The following RBFOX2 variants were observed in gnomAD, a reference collection of about 807,000 sequenced individuals.
RBFOX2 encodes RNA binding fox-1 homolog 2.
RBFOX2 carries 10 observed loss-of-function variants against 49.1 expected under a neutral mutation model. The ratio of observed to expected loss-of-function variants is 0.20; its 90% CI spans 0.13 to 0.35. The LOEUF (loss-of-function observed/expected upper bound fraction) is 0.35, where lower values mean the gene tolerates loss of function less well. Ranked by LOEUF, RBFOX2 falls within the 10% of genes least tolerant of loss-of-function variation. The pLI is 1.00. For missense variants in RBFOX2, 323 were observed against 486.9 expected (o/e 0.66, Z 3.17); for synonymous variants, 183 against 187.4 (o/e 0.98, Z 0.19).
intron 1 of RBFOX2, among the ~76,000 whole-genome samples, chr22:35,953,818 T>C (rs963542461): frequency 6.6e-6 from 1 of 152,158 alleles, no homozygotes; most frequent in Non-Finnish European, 1.5e-5. Context: ...GTGCTGTATC[T>C]CAATATATAC....
intron 1 of RBFOX2, among the ~76,000 whole-genome samples, chr22:35,855,502 G>A (rs1224477699): frequency 6.6e-6 from 1 of 151,984 alleles, no homozygotes; most frequent in Non-Finnish European, 1.5e-5. Context: ...TGCCTTCTAG[G>A]TTCAAGGATC....
At chr22:35,814,133 G>A (rs984747572) in intron 1 of RBFOX2, among the ~76,000 whole-genome samples, 8 of 152,088 alleles carry the variant, frequency 5.3e-5, no homozygotes, top group Non-Finnish European at 1.2e-4. Flanking sequence ...ACAGCCTTTT[G>A]GTGTACAATG....
At chr22:35,906,309 T>C (rs916365751) in intron 1 of RBFOX2, among the ~76,000 whole-genome samples, 1 of 152,224 alleles carries the variant, frequency 6.6e-6, no homozygotes, top group African/African-American at 2.4e-5. Flanking sequence ...TTTCACGATA[T>C]GACCATTTTC....
intron 1 of RBFOX2, among the ~76,000 whole-genome samples, chr22:35,915,230 G>A (rs2050275212): frequency 6.6e-6 from 1 of 152,232 alleles, no homozygotes; most frequent in Admixed American, 6.5e-5. Flanking sequence ...GCAGAGAGAA[G>A]GGAGGGTTTG....
At chr22:36,005,066 T>C (rs1603465171) in intron 1 of RBFOX2, among the ~76,000 whole-genome samples, 1 of 152,234 alleles carries the variant, frequency 6.6e-6, no homozygotes, top group East Asian at 1.9e-4. Flanking sequence ...AATAAATACG[T>C]GTTAAATTTA....
At chr22:35,932,718 T>C (rs879440588) in intron 1 of RBFOX2, among the ~76,000 whole-genome samples, 3 of 152,116 alleles carry the variant, frequency 2.0e-5, no homozygotes, top group Non-Finnish European at 4.4e-5. Flanking sequence ...CTGTCTCTAC[T>C]AAAAATACAA....
At position 35,868,139 on chromosome 22, in the gene RBFOX2, A is replaced by G. The variant is rs116499576; in HGVS notation, c.-33-58135T>C. Among the ~76,000 whole-genome samples, 534 of 152,254 alleles carry G rather than the reference A, an allele frequency of 3.5e-3. 1 individual carries two copies. Among genetic ancestry groups the G allele is most frequent in the African/African-American group, 0.011 (474 of 41,556 alleles). On this transcript the variant is annotated intron_variant, in intron 1 of 13. Transcript: ENST00000359369. ...AGGCAGAGAAAAACCTGAGCCCAGA[A>G]AGTTGAGGCTGTAGTGAGCCACAAT... is the stretch of plus-strand genomic sequence containing the variant.
At chr22:35,892,188 G>A (rs1213853876) in intron 1 of RBFOX2, among the ~76,000 whole-genome samples, 1 of 152,178 alleles carries the variant, frequency 6.6e-6, no homozygotes. Context: ...ACAATCCTGA[G>A]TGCCACTATT....
intron 2 of RBFOX2, among the ~76,000 whole-genome samples, chr22:35,804,321 G>GA (rs1950305426): frequency 6.6e-6 from 1 of 151,126 alleles, no homozygotes; most frequent in African/African-American, 2.4e-5. Context: ...CAGGAAGAGA[G>GA]AAGAAAGGAA....
chr22:35,795,883 T>C (rs891807943), intron 2 of RBFOX2, among the ~76,000 whole-genome samples: 4 of 152,204 alleles, frequency 2.6e-5, no homozygotes, highest in South Asian at 2.1e-4. Context: ...GCCTCTCTTA[T>C]TGAGCATTAT....
chr22:35,766,830 T>A (rs1265936943), intron 5 of RBFOX2, among the ~76,000 whole-genome samples: 3 of 151,068 alleles, frequency 2.0e-5, no homozygotes, highest in Non-Finnish European at 4.4e-5. Context: ...CCAGAACCAA[T>A]CAGAAACCAC....
chr22:36,027,507 C>A (rs913972262), intron 1 of RBFOX2, among the ~76,000 whole-genome samples: 4 of 152,170 alleles, frequency 2.6e-5, no homozygotes, highest in African/African-American at 7.2e-5. Context: ...CTTCTAATAG[C>A]CCTATAAAAA....
chr22:35,990,600 T>C (rs1435111265), intron 1 of RBFOX2, among the ~76,000 whole-genome samples: 2 of 152,086 alleles, frequency 1.3e-5, no homozygotes, highest in East Asian at 1.9e-4. Context: ...CTTAGAATAG[T>C]TGGTGAAAGA....
Position 35,869,469 on chromosome 22 carries a change from CAAAAAAAAAAAAAAAAA to C in RBFOX2, c.-33-59482_-33-59466del, listed in dbSNP as rs35854576. On this transcript the variant is annotated intron_variant, in intron 1 of 13. Transcript: ENST00000359369. ...CCACCACACCCAGCCAACGGCTGACCAAAAAAAAAAAAAAAAAAAAAAAAAAAAAAAAAAAATGTAGA... is the reference window on the plus strand; with the variant it reads ...CCACCACACCCAGCCAACGGCTGACCAAAAAAAAAAAAAAAAAAATGTAGA... 6.0e-3 allele frequency among the ~76,000 whole-genome samples: 184 copies of C among 30,572 alleles called. 1 individual carries two copies. The East Asian group carries it at 0.11, about 18-fold the overall frequency. 20.1% of individuals were successfully genotyped at this position (30,572 alleles called of 152,430 possible). A position where few individuals can be genotyped will look rare whatever the true frequency, so the allele number is the denominator to read the frequency against.
intron 1 of RBFOX2, chr22:35,994,166 C>G (rs1337699653): frequency 6.7e-6 from 1 of 149,904 alleles, no homozygotes; most frequent in African/African-American, 2.5e-5. Context: ...TTTGTAGTAG[C>G]CATATTAAAA....
chr22:36,019,357 T>C (rs2059160020), intron 1 of RBFOX2, among the ~76,000 whole-genome samples: 1 of 152,208 alleles, frequency 6.6e-6, no homozygotes, highest in Non-Finnish European at 1.5e-5. Context: ...ACACTGCTCA[T>C]CTCTAGTAGT....
At chr22:35,744,293 A>G in intron 11 of RBFOX2, 44 bp from the exon 14 acceptor site, 1 of 1,549,890 alleles carries the variant, frequency 6.5e-7, no homozygotes, top group Admixed American at 1.8e-5. Context: ...GGTTGATGAG[A>G]GAAGCATTAA....
chr22:35,899,910 A>T (rs568047605), intron 1 of RBFOX2, among the ~76,000 whole-genome samples: 13 of 152,200 alleles, frequency 8.5e-5, no homozygotes, highest in Admixed American at 3.9e-4. Flanking sequence ...CCCACAGAAG[A>T]AGTTTCTGGC....
At chr22:35,882,566 T>C (rs1339820324) in intron 1 of RBFOX2, among the ~76,000 whole-genome samples, 1 of 152,196 alleles carries the variant, frequency 6.6e-6, no homozygotes, top group Non-Finnish European at 1.5e-5. Flanking sequence ...CTGACGGGAC[T>C]AATCCAATAA....
Sources: gnomAD v4.1 joint callset for allele counts (sites outside exome capture counted in the v4.1 genomes callset) on GRCh38, gnomAD v4.1.1 for gene constraint, MANE v1.5 for transcripts, NCBI Gene and HGNC (gene_info 2026-07-23, HGNC 2026-07-21) for gene names.